Variants in GMPR observed in about 807,000 individuals in gnomAD.
GMPR encodes the protein GMP reductase 1.
GMPR carries 31 observed loss-of-function variants against 38.4 expected under a neutral mutation model. The observed-to-expected ratio is 0.81, with a 90% CI of 0.61 to 1.09. The LOEUF is 1.09. Ranked by LOEUF, GMPR falls within the 50% of genes least tolerant of loss-of-function variation. GMPR has a pLI of 0.00. For synonymous variants in GMPR, 162 were observed against 173.3 expected, an observed-to-expected ratio of 0.93 and a Z score of 0.51; for missense variants, 468 against 453.7, an observed-to-expected ratio of 1.03 and a Z score of -0.29.
chr6:16,266,360 A>G (rs1759224702), intron 4 of GMPR, among the ~76,000 whole-genome samples: 1 of 149,734 alleles, frequency 6.7e-6, no homozygotes, highest in Non-Finnish European at 1.5e-5. Context: ...GAGCTGTAAC[A>G]CTCACTGTGA....
Position 16,277,744 on chromosome 6 carries a change from TG to T in GMPR, c.548-1036del, listed in dbSNP as rs1424433230. On this transcript the variant is annotated intron_variant, in intron 5 of 8. Transcript: ENST00000259727. ...TTGAAACTGTGATGAACAACTCCCCTGGGGCAGTGACATTTAAGAAGAAGCT... is the reference window on the plus strand; with the variant it reads ...TTGAAACTGTGATGAACAACTCCCCTGGGCAGTGACATTTAAGAAGAAGCT... 2.6e-5 allele frequency among the ~76,000 whole-genome samples: 4 copies of T among 152,098 alleles called. No individual in the cohort carries two copies. In the East Asian group the frequency reaches 7.7e-4, roughly 29 times the overall value.
At position 16,254,683 on chromosome 6, in the gene GMPR, T is replaced by C. The variant is rs756449366; in HGVS notation, c.413T>C (p.Phe138Ser). ...LDVANGYSEH[F>S]VEFVKLVRAK... ...GTGGCCAATGGGTATTCAGAACATT[T>C]TGTGGAATTCGTGAAACTTGTCCGT... is the stretch of plus-strand genomic sequence containing the variant. Residue 138 changes from phenylalanine to serine, a missense_variant, in exon 4 of 9, where the codon TTT becomes TCT. Phe to Ser is a radical substitution (Grantham distance 155). Coordinates refer to ENST00000259727, the MANE Select transcript of GMPR (RefSeq NM_006877.4). 2.7e-5 allele frequency: 43 copies of C among 1,613,910 alleles called. No homozygotes were observed. Among genetic ancestry groups the C allele is most frequent in the Non-Finnish European group, 3.4e-5 (40 of 1,179,882 alleles).
rs79607115 is a variant in GMPR, at chr6:16,269,879, C to T, written c.466-4536C>T. Among the ~76,000 whole-genome samples the T allele has an allele frequency of 4.2e-3, 647 of 152,302 alleles. 2 individuals are homozygous for T. The highest frequency in any genetic ancestry group is 0.014 in the African/African-American group (592 of 41,558). ...GGGAAGTCCAGTATCAAGGCAGATT[C>T]GGTATCTGGTGAGGGCCGGCTTCCT... On this transcript the variant is annotated intron_variant, in intron 4 of 8. Coordinates refer to ENST00000259727, the MANE Select transcript of GMPR (RefSeq NM_006877.4).
Position 16,273,354 on chromosome 6 carries a change from G to T in GMPR, c.466-1061G>T, listed in dbSNP as rs1043749445. ...GCACAGTTGTGAAAACTCAGCCAGG[G>T]CATCTTGCCAAGTATCCTATATACT... On this transcript the variant is annotated intron_variant, in intron 4 of 8. Coordinates refer to ENST00000259727, the MANE Select transcript of GMPR (RefSeq NM_006877.4). Among the ~76,000 whole-genome samples, 94 of 152,216 alleles carry T rather than the reference G, an allele frequency of 6.2e-4. 1 individual carries two copies. The highest frequency in any genetic ancestry group is 2.9e-5 in the Non-Finnish European group (2 of 68,046).
intron 2 of GMPR, among the ~76,000 whole-genome samples, chr6:16,248,998 A>C (rs1485018477): frequency 6.6e-6 from 1 of 152,098 alleles, no homozygotes; most frequent in Non-Finnish European, 1.5e-5. Flanking sequence ...CAAGTTACTA[A>C]AGTCATAGAA....
intron 5 of GMPR, 50 bp from the exon 6 acceptor site, chr6:16,278,734 T>A (rs1463731194): frequency 1.6e-6 from 2 of 1,246,304 alleles, no homozygotes; most frequent in Non-Finnish European, 2.4e-6. Context: ...CATGTCACAG[T>A]CTTCTCATGT....
At chr6:16,240,775 T>C (rs1758633750) in intron 1 of GMPR, among the ~76,000 whole-genome samples, 1 of 152,264 alleles carries the variant, frequency 6.6e-6, no homozygotes, top group Non-Finnish European at 1.5e-5. Flanking sequence ...CTTTGCAATC[T>C]TCATGTACAC....
At chr6:16,256,506 G>C (rs1758979577) in intron 4 of GMPR, among the ~76,000 whole-genome samples, 1 of 134,486 alleles carries the variant, frequency 7.4e-6, no homozygotes, top group Non-Finnish European at 1.5e-5. Context: ...TCTAGCCTGG[G>C]AGACAGAGTG....
chr6:16,281,961 C>T (rs577627418), intron 6 of GMPR, among the ~76,000 whole-genome samples: 135 of 152,322 alleles, frequency 8.9e-4, no homozygotes, highest in African/African-American at 3.1e-3. Flanking sequence ...AGGTTCAGAG[C>T]AGCCATTGCC....
At chr6:16,288,383 GA>G (rs1160567093) in intron 7 of GMPR, among the ~76,000 whole-genome samples, 2 of 152,222 alleles carry the variant, frequency 1.3e-5, no homozygotes, top group Non-Finnish European at 2.9e-5. Flanking sequence ...CAGGCAATGA[GA>G]GGCTTAGCAC....
chr6:16,266,430 TGGCACGTC>T (rs1385949059), intron 4 of GMPR, among the ~76,000 whole-genome samples: 1 of 74,316 alleles, frequency 1.3e-5, no homozygotes, highest in East Asian at 4.2e-4. Context: ...GTGAAAAAGG[TGGCACGTC>T]GGACGTGCCA....
rs191456506 is a variant in GMPR at position 16,266,757 on chromosome 6, C to T, written c.466-7658C>T. Among the ~76,000 whole-genome samples the T allele has an allele frequency of 2.2e-3, 333 of 151,296 alleles. 4 individuals are homozygous for T. The highest frequency in any genetic ancestry group is 7.9e-3 in the African/African-American group (327 of 41,272). ...ACCTGGGAGGGGGAGCTTGACGGCA[C>T]TCCGGCCTAGGTGAGAGCGAGACTC... On this transcript the variant is annotated intron_variant, in intron 4 of 8. Transcript: ENST00000259727.
intron 4 of GMPR, among the ~76,000 whole-genome samples, chr6:16,258,432 G>T (rs538507301): frequency 6.6e-6 from 1 of 152,342 alleles, no homozygotes; most frequent in East Asian, 1.9e-4. Flanking sequence ...AGGGGGCTGG[G>T]TAAGACGAGG....
rs780326987 is a variant in GMPR at position 16,285,787 on chromosome 6, G to C, written c.655-6G>C. 1 of 1,613,018 alleles carries C rather than the reference G, an allele frequency of 6.2e-7. No individual in the cohort carries two copies. The highest frequency in any genetic ancestry group is 1.7e-5 in the Admixed American group (1 of 59,980). ...ATGTCCTGTCCTTGCTTTTTCCTCT[G>C]TGAAGGATGGAGGCTGTACGTGTCC... On this transcript the variant is annotated splice_region_variant and splice_polypyrimidine_tract_variant and intron_variant, in intron 6 of 8. Coordinates refer to ENST00000259727, the MANE Select transcript of GMPR (RefSeq NM_006877.4).
At chr6:16,277,138 G>C (rs558390354) in intron 5 of GMPR, among the ~76,000 whole-genome samples, 2 of 152,216 alleles carry the variant, frequency 1.3e-5, no homozygotes, top group Non-Finnish European at 1.5e-5. Context: ...GCGGGGGGAA[G>C]GCGCCTTCGT....
intron 4 of GMPR, among the ~76,000 whole-genome samples, chr6:16,256,192 G>A (rs1193520028): frequency 1.4e-4 from 21 of 149,396 alleles, no homozygotes; most frequent in African/African-American, 5.2e-4. Flanking sequence ...CTCCAGCCTG[G>A]GCAACAGAGG....
chr6:16,243,193 A>T (rs1041954743), intron 1 of GMPR, among the ~76,000 whole-genome samples: 3 of 152,262 alleles, frequency 2.0e-5, no homozygotes, highest in African/African-American at 7.2e-5. Context: ...GAAACACTCC[A>T]AAATACACAT....
At chr6:16,266,410 AACAC>A (rs1759227664) in intron 4 of GMPR, among the ~76,000 whole-genome samples, 3 of 114,760 alleles carry the variant, frequency 2.6e-5, no homozygotes, top group African/African-American at 9.7e-5. Flanking sequence ...TAAGAGCTGT[AACAC>A]TCACTGTGAA....
At chr6:16,267,571 A>G (rs1227303405) in intron 4 of GMPR, among the ~76,000 whole-genome samples, 3 of 152,166 alleles carry the variant, frequency 2.0e-5, no homozygotes, top group Non-Finnish European at 4.4e-5. Context: ...AACTCCGGAC[A>G]CATCTGAACA....
Sources: gnomAD v4.1 joint callset for allele counts (sites outside exome capture counted in the v4.1 genomes callset) on GRCh38, gnomAD v4.1.1 for gene constraint, MANE v1.5 for transcripts, NCBI Gene and HGNC (gene_info 2026-07-23, HGNC 2026-07-21) for gene names.